The following ATP8B4 variants were observed in gnomAD, a reference collection of about 807,000 sequenced individuals.
The protein encoded by ATP8B4 is probable phospholipid-transporting ATPase IM.
ATP8B4 carries 133 observed loss-of-function variants against 145.6 expected under a neutral mutation model. The observed-to-expected ratio is 0.91, with a 90% CI of 0.79 to 1.05. The LOEUF is 1.05. Ranked by LOEUF, ATP8B4 falls within the 50% of genes least tolerant of loss-of-function variation. ATP8B4 has a pLI of 0.00. For missense variants in ATP8B4, 1,458 were observed against 1,425.2 expected, an observed-to-expected ratio of 1.02 and a Z score of -0.37; for synonymous variants, 507 against 492.9, an observed-to-expected ratio of 1.03 and a Z score of -0.38.
At chr15:49,867,625 T>C (rs751385057) in intron 25 of ATP8B4, among the ~76,000 whole-genome samples, 3 of 152,178 alleles carry the variant, frequency 2.0e-5, no homozygotes, top group Non-Finnish European at 2.9e-5. Context: ...TAGCCTGATC[T>C]GTGTGGGTAA....
intron 20 of ATP8B4, among the ~76,000 whole-genome samples, chr15:49,906,599 T>G (rs2038653269): frequency 6.6e-6 from 1 of 152,218 alleles, no homozygotes. Context: ...ACGAAACTTT[T>G]GTTTTTGAGC....
chr15:49,919,579 G>A (rs1335419180), intron 18 of ATP8B4, among the ~76,000 whole-genome samples: 1 of 152,006 alleles, frequency 6.6e-6, no homozygotes, highest in Non-Finnish European at 1.5e-5. Flanking sequence ...CACCGCACCC[G>A]GCTAATTTTT....
intron 20 of ATP8B4, among the ~76,000 whole-genome samples, chr15:49,908,576 C>T (rs529021847): frequency 3.7e-4 from 57 of 152,164 alleles, no homozygotes; most frequent in Non-Finnish European, 6.3e-4. Flanking sequence ...ACATAGGGAG[C>T]TGCCTGAAGA....
intron 14 of ATP8B4, among the ~76,000 whole-genome samples, chr15:49,941,473 C>T (rs117935227): frequency 0.048 from 7,336 of 152,232 alleles, 234 homozygotes; most frequent in Middle Eastern, 0.075. Flanking sequence ...ATCACCCTTA[C>T]CCTTATTCCA....
At chr15:49,959,923 A>G (rs1452916514) in intron 14 of ATP8B4, among the ~76,000 whole-genome samples, 1 of 152,218 alleles carries the variant, frequency 6.6e-6, no homozygotes, top group Non-Finnish European at 1.5e-5. Context: ...ATCATGAGGA[A>G]AGCTAAATAA....
intron 1 of ATP8B4, among the ~76,000 whole-genome samples, chr15:50,176,162 A>C (rs1346170602): frequency 6.6e-6 from 1 of 152,046 alleles, no homozygotes; most frequent in Admixed American, 6.6e-5. Flanking sequence ...GTGTATATAT[A>C]CACACACAAT....
intron 2 of ATP8B4, among the ~76,000 whole-genome samples, chr15:50,079,758 G>A (rs1475199591): frequency 2.0e-5 from 3 of 152,182 alleles, no homozygotes; most frequent in Admixed American, 2.0e-4. Flanking sequence ...ATATTTGAAT[G>A]AATGCATAAG....
chr15:50,086,183 A>G (rs1407563540), intron 2 of ATP8B4, among the ~76,000 whole-genome samples: 2 of 107,322 alleles, frequency 1.9e-5, no homozygotes, highest in Admixed American at 1.1e-4. Flanking sequence ...AGAGATCTAT[A>G]TTTATTATAT....
intron 20 of ATP8B4, among the ~76,000 whole-genome samples, chr15:49,903,752 G>T (rs12910240): frequency 1.3e-5 from 2 of 152,044 alleles, no homozygotes; most frequent in Non-Finnish European, 2.9e-5. Flanking sequence ...AAATTAGCTA[G>T]GCTTGGTGGC....
At chr15:49,969,303 G>A (rs753340521) in intron 13 of ATP8B4, among the ~76,000 whole-genome samples, 21 of 151,850 alleles carry the variant, frequency 1.4e-4, no homozygotes, top group Non-Finnish European at 2.5e-4. Flanking sequence ...ATAGAGACAC[G>A]AAAAACCCTT....
intron 16 of ATP8B4, among the ~76,000 whole-genome samples, chr15:49,930,710 C>T (rs1002265081): frequency 1.3e-5 from 2 of 151,984 alleles, no homozygotes; most frequent in East Asian, 1.9e-4. Context: ...TCAAACTATG[C>T]GAACCTGGGC....
chr15:49,947,437 C>CA (rs35281379), intron 14 of ATP8B4, among the ~76,000 whole-genome samples: 43,810 of 88,914 alleles, frequency 0.49, 10,111 homozygotes, highest in African/African-American at 0.55. Flanking sequence ...GACTCTGTCT[C>CA]AAAAAAAAAA....
chr15:49,963,217 G>A (rs2044237603), intron 13 of ATP8B4, among the ~76,000 whole-genome samples: 1 of 152,168 alleles, frequency 6.6e-6, no homozygotes, highest in South Asian at 2.1e-4. Flanking sequence ...AAACCACAAT[G>A]AGAAACCACC....
intron 20 of ATP8B4, among the ~76,000 whole-genome samples, chr15:49,912,893 G>A (rs80284237): frequency 0.066 from 10,074 of 151,918 alleles, 1,141 homozygotes; most frequent in African/African-American, 0.23. Context: ...TGTGGGAAGC[G>A]GAGGCAGGCA....
chr15:49,874,040 T>C (rs1022251766), intron 25 of ATP8B4, among the ~76,000 whole-genome samples: 1 of 152,198 alleles, frequency 6.6e-6, no homozygotes, highest in Non-Finnish European at 1.5e-5. Context: ...GAGAATTTCC[T>C]CTCAACATCT....
chr15:50,108,900 G>C (rs1236870443), intron 1 of ATP8B4, among the ~76,000 whole-genome samples: 1 of 152,180 alleles, frequency 6.6e-6, no homozygotes, highest in Admixed American at 6.5e-5. Flanking sequence ...ACGTAGTAAT[G>C]CTCAGTAAAC....
chr15:50,157,680 T>C (rs1355858650), intron 1 of ATP8B4, among the ~76,000 whole-genome samples: 1 of 152,218 alleles, frequency 6.6e-6, no homozygotes, highest in Non-Finnish European at 1.5e-5. Flanking sequence ...GAGATTGCAC[T>C]GAATCTGTAG....
At chr15:50,145,619 A>C (rs992002445) in intron 1 of ATP8B4, among the ~76,000 whole-genome samples, 1 of 152,118 alleles carries the variant, frequency 6.6e-6, no homozygotes, top group Non-Finnish European at 1.5e-5. Flanking sequence ...ATAAATTCTT[A>C]AGGCTAATTA....
chr15:50,117,081 C>T (rs1033631883), intron 1 of ATP8B4, among the ~76,000 whole-genome samples: 7 of 152,018 alleles, frequency 4.6e-5, no homozygotes, highest in Admixed American at 6.6e-5. Context: ...GACAGAGTCT[C>T]GCTCTGTCAC....
Sources: gnomAD v4.1 joint callset for allele counts (sites outside exome capture counted in the v4.1 genomes callset) on GRCh38, gnomAD v4.1.1 for gene constraint, MANE v1.5 for transcripts, NCBI Gene and HGNC (gene_info 2026-07-23, HGNC 2026-07-21) for gene names.